COBL: variants seen among roughly 807,000 people sequenced by gnomAD.
The protein encoded by COBL is protein cordon-bleu.
COBL carries 51 observed loss-of-function variants against 98.8 expected under a neutral mutation model. The observed-to-expected ratio is 0.52, with a 90% CI of 0.41 to 0.65. The LOEUF is 0.65. COBL is among the 30% of genes least tolerant of loss of function. COBL has a pLI of 0.00. For synonymous variants in COBL, 634 were observed against 651.7 expected (o/e 0.97, Z 0.41); for missense variants, 1,617 against 1,617.5 (o/e 1.00, Z 0.01).
At chr7:51,103,063 T>C (rs1429113744) in intron 6 of COBL, among the ~76,000 whole-genome samples, 1 of 152,182 alleles carries the variant, frequency 6.6e-6, no homozygotes, top group Non-Finnish European at 1.5e-5. Flanking sequence ...TCAGTGTTCC[T>C]ACCACAAAAA....
intron 7 of COBL, among the ~76,000 whole-genome samples, chr7:51,078,081 A>C (rs1793259676): frequency 6.6e-6 from 1 of 151,910 alleles, no homozygotes; most frequent in South Asian, 2.1e-4. Flanking sequence ...AGTTAACAGA[A>C]CTCCAGTATT....
At chr7:51,228,393 CTT>C (rs1297405330) in intron 1 of COBL, among the ~76,000 whole-genome samples, 1 of 126,264 alleles carries the variant, frequency 7.9e-6, no homozygotes. Flanking sequence ...CACGCTTACT[CTT>C]TTGGATTAAA....
intron 1 of COBL, among the ~76,000 whole-genome samples, chr7:51,269,226 T>G (rs1584360665): frequency 6.6e-6 from 1 of 152,110 alleles, no homozygotes; most frequent in Non-Finnish European, 1.5e-5. Flanking sequence ...CAAAAGCCCA[T>G]GTGTTGGGGA....
At chr7:51,219,012 A>T (rs1793359453) in intron 2 of COBL, among the ~76,000 whole-genome samples, 1 of 152,220 alleles carries the variant, frequency 6.6e-6, no homozygotes, top group Non-Finnish European at 1.5e-5. Flanking sequence ...AAACTATTTA[A>T]ACAATAAAAT....
chr7:51,281,893 T>C (rs778657357), intron 1 of COBL, among the ~76,000 whole-genome samples: 35 of 152,148 alleles, frequency 2.3e-4, no homozygotes, highest in Non-Finnish European at 4.6e-4. Context: ...TTTTTTGAGT[T>C]CTTTAAAATG....
chr7:51,126,745 T>G (rs1239487795), intron 6 of COBL, among the ~76,000 whole-genome samples: 2 of 152,170 alleles, frequency 1.3e-5, no homozygotes. Flanking sequence ...AGGATCTGCC[T>G]GGCTTAGGGA....
At chr7:51,226,620 C>T (rs1308727921) in intron 1 of COBL, among the ~76,000 whole-genome samples, 1 of 151,924 alleles carries the variant, frequency 6.6e-6, no homozygotes, top group Non-Finnish European at 1.5e-5. Context: ...CAAGTCAGTG[C>T]CCAGTTTTCT....
At chr7:51,229,454 C>G (rs953764904) in intron 1 of COBL, among the ~76,000 whole-genome samples, 3 of 152,186 alleles carry the variant, frequency 2.0e-5, no homozygotes, top group Non-Finnish European at 4.4e-5. Flanking sequence ...GGATGCCTGG[C>G]AGCAACCTTA....
intron 1 of COBL, among the ~76,000 whole-genome samples, chr7:51,228,302 A>G (rs1794401927): frequency 6.6e-6 from 1 of 152,050 alleles, no homozygotes; most frequent in Non-Finnish European, 1.5e-5. Flanking sequence ...TGACCCCTGT[A>G]AAGTTTCTGG....
In COBL at chr7:51,027,780, C is replaced by T; in HGVS notation, c.3316G>A (p.Asp1106Asn). ...ATCAGGGCAGAGTGCAGGGATGTGT[C>T]TTTTGGGACTGGTCTCTGGACAACA... is the stretch of plus-strand genomic sequence containing the variant. ...KPVVQRPVPK[D>N]TSLHSALMEA... The change falls in exon 10 of 13, where the codon GAC (aspartate) becomes AAC (asparagine). Residue 1106 changes from aspartate (D) to asparagine (N), a missense_variant. Coordinates refer to ENST00000265136, the MANE Select transcript of COBL (RefSeq NM_015198.5). 6.2e-7 allele frequency: 1 copy of T among 1,614,236 alleles called. No individual in the cohort carries two copies. Among genetic ancestry groups the T allele is most frequent in the Non-Finnish European group, 8.5e-7 (1 of 1,180,038 alleles).
chr7:51,206,767 G>A (rs148283815), intron 2 of COBL, among the ~76,000 whole-genome samples: 2,131 of 152,292 alleles, frequency 0.014, 48 homozygotes, highest in African/African-American at 0.049. Flanking sequence ...GTAAAAGCCA[G>A]ACAGAAAGAC....
intron 12 of COBL, among the ~76,000 whole-genome samples, chr7:51,024,051 T>C (rs1357409949): frequency 6.6e-6 from 1 of 152,196 alleles, no homozygotes; most frequent in Non-Finnish European, 1.5e-5. Context: ...GGCTCACGCC[T>C]GTAATCCCAG....
At chr7:51,183,940 C>G (rs1399591971) in intron 5 of COBL, among the ~76,000 whole-genome samples, 162 bp downstream of exon 5, 1 of 152,180 alleles carries the variant, frequency 6.6e-6, no homozygotes, top group Non-Finnish European at 1.5e-5. Context: ...GGAAGCACAG[C>G]CTGTCATTCC....
chr7:51,024,189 G>T (rs1787252353), intron 12 of COBL, among the ~76,000 whole-genome samples: 1 of 151,914 alleles, frequency 6.6e-6, no homozygotes, highest in African/African-American at 2.4e-5. Flanking sequence ...GGCGCCTGTA[G>T]TCCCAGCTAC....
rs151334217 is a variant in COBL, at chr7:51,162,200, T to C, written c.783+21902A>G. ...GCTTTCACAGCTACACAGGCTGAGTTTGAGGAAAATCAATACTGACCATGT... is the reference window on the plus strand; with the variant it reads ...GCTTTCACAGCTACACAGGCTGAGTCTGAGGAAAATCAATACTGACCATGT... On this transcript the variant is annotated intron_variant, in intron 5 of 12. Transcript: ENST00000265136. Among the ~76,000 whole-genome samples the C allele has an allele frequency of 4.5e-4, 68 of 152,284 alleles. No individual in the cohort carries two copies. In the East Asian group the frequency reaches 0.013, roughly 29 times the overall value.
At chr7:51,084,877 C>T (rs1252339573) in intron 7 of COBL, among the ~76,000 whole-genome samples, 1 of 152,154 alleles carries the variant, frequency 6.6e-6, no homozygotes, top group Non-Finnish European at 1.5e-5. Flanking sequence ...ACGTCGCACA[C>T]TCACACTCAC....
intron 7 of COBL, among the ~76,000 whole-genome samples, chr7:51,077,444 T>A (rs1276842781): frequency 6.6e-6 from 1 of 152,198 alleles, no homozygotes; most frequent in Non-Finnish European, 1.5e-5. Context: ...CAGGAAGACA[T>A]GGACAGCCTG....
intron 1 of COBL, among the ~76,000 whole-genome samples, chr7:51,291,500 C>A (rs1800888336): frequency 6.6e-6 from 1 of 152,156 alleles, no homozygotes; most frequent in Non-Finnish European, 1.5e-5. Context: ...GTGGCTCATG[C>A]CTGTAATCCT....
chr7:51,272,774 G>A (rs184832841), intron 1 of COBL, among the ~76,000 whole-genome samples: 1 of 152,258 alleles, frequency 6.6e-6, no homozygotes, highest in East Asian at 1.9e-4. Context: ...TACTTTGGGA[G>A]TCTCCCCATG....
Sources: gnomAD v4.1 joint callset for allele counts (sites outside exome capture counted in the v4.1 genomes callset) on GRCh38, gnomAD v4.1.1 for gene constraint, MANE v1.5 for transcripts, NCBI Gene and HGNC (gene_info 2026-07-23, HGNC 2026-07-21) for gene names.